The following ARHGEF4 variants were observed in gnomAD, a reference collection of about 807,000 sequenced individuals.
The protein encoded by ARHGEF4 is APC-stimulated guanine nucleotide exchange factor 1.
In ARHGEF4, 119 loss-of-function variants were observed where a neutral mutation model predicts 162.0. The observed-to-expected ratio is 0.73, with a 90% CI of 0.63 to 0.86. The LOEUF is 0.86. Ranked by LOEUF, ARHGEF4 falls within the 40% of genes least tolerant of loss-of-function variation. The pLI is 0.00. For synonymous variants in ARHGEF4, 1,014 were observed against 979.9 expected (o/e 1.03, Z -0.65); for missense variants, 2,488 against 2,456.0 (o/e 1.01, Z -0.28).
At chr2:130,880,584 C>G (rs115750306) in intron 1 of ARHGEF4, among the ~76,000 whole-genome samples, 1 of 152,132 alleles carries the variant, frequency 6.6e-6, no homozygotes, top group African/African-American at 2.4e-5. Context: ...ACAGAGGCTG[C>G]AGTGCAGTGG....
intron 5 of ARHGEF4, among the ~76,000 whole-genome samples, chr2:131,033,352 T>TG (rs1443755511): frequency 1.3e-5 from 2 of 152,204 alleles, no homozygotes; most frequent in African/African-American, 4.8e-5. Context: ...CTGCTGTGCA[T>TG]GGGGCAGAGG....
intron 13 of ARHGEF4, 74 bp from the exon 14 acceptor site, chr2:131,045,964 C>A (rs1356046129): frequency 4.5e-6 from 7 of 1,546,846 alleles, no homozygotes; most frequent in South Asian, 1.2e-5. Flanking sequence ...GGACGGACCC[C>A]ATGCTGTCCC....
chr2:130,856,272 A>G (rs535398553), intron 1 of ARHGEF4, among the ~76,000 whole-genome samples: 1 of 152,384 alleles, frequency 6.6e-6, no homozygotes, highest in African/African-American at 2.4e-5. Context: ...AGAAGAATCC[A>G]TGAACTTAAT....
At chr2:130,870,388 G>A (rs1678383570) in intron 1 of ARHGEF4, among the ~76,000 whole-genome samples, 1 of 152,194 alleles carries the variant, frequency 6.6e-6, no homozygotes, top group Non-Finnish European at 1.5e-5. Flanking sequence ...AGTGTACAGG[G>A]GCAGGGCTGG....
intron 5 of ARHGEF4, chr2:131,035,344 G>A (rs915650947): frequency 1.3e-5 from 15 of 1,122,740 alleles, no homozygotes; most frequent in Admixed American, 9.3e-5. Context: ...CTCCGCACTG[G>A]TCGCGGAGGG....
intron 8 of ARHGEF4, among the ~76,000 whole-genome samples, 189 bp downstream of exon 8, chr2:131,040,629 CGAAACCAAGTCAGG>C (rs1690734482): frequency 6.6e-6 from 1 of 152,190 alleles, no homozygotes. Context: ...TTCTGTGTGG[CGAAACCAAGTCAGG>C]GAACGCTCCT....
intron 1 of ARHGEF4, among the ~76,000 whole-genome samples, chr2:130,899,307 G>A (rs372555174): frequency 6.6e-6 from 1 of 152,310 alleles, no homozygotes; most frequent in African/African-American, 2.4e-5. Context: ...AGGATCATGG[G>A]GGAATGATAA....
chr2:130,883,223 A>G (rs1261261104), intron 1 of ARHGEF4, among the ~76,000 whole-genome samples: 1 of 152,024 alleles, frequency 6.6e-6, no homozygotes, highest in African/African-American at 2.4e-5. Context: ...GCATCTTCTC[A>G]CACCAGACTT....
chr2:130,923,584 T>C (rs1033833112), intron 2 of ARHGEF4, among the ~76,000 whole-genome samples: 2 of 152,232 alleles, frequency 1.3e-5, no homozygotes, highest in Admixed American at 1.3e-4. Flanking sequence ...TACTGAATAA[T>C]ACAGCAGGAT....
intron 4 of ARHGEF4, among the ~76,000 whole-genome samples, chr2:130,954,000 C>A (rs548444938): frequency 2.0e-5 from 3 of 152,316 alleles, no homozygotes; most frequent in South Asian, 4.1e-4. Flanking sequence ...TGTGACGATT[C>A]CTCAAGGATC....
intron 3 of ARHGEF4, among the ~76,000 whole-genome samples, chr2:130,933,702 T>G (rs1322583507): frequency 6.6e-6 from 1 of 152,224 alleles, no homozygotes; most frequent in Non-Finnish European, 1.5e-5. Flanking sequence ...TAAATGGAAA[T>G]TTTTAAAAGC....
intron 1 of ARHGEF4, among the ~76,000 whole-genome samples, chr2:130,853,388 G>C (rs537294170): frequency 6.6e-6 from 1 of 152,302 alleles, no homozygotes; most frequent in South Asian, 2.1e-4. Context: ...TTGTTTTTCA[G>C]ACTTCCTGAG....
chr2:130,946,492 C>G lies in ARHGEF4; in HGVS notation c.3859-17C>G. ...TCTTTTCTTCATTTGCCCTCTGTCT[C>G]TTTCCTCCTCTTCCAGTGCTGGAGA... On this transcript the variant is annotated splice_polypyrimidine_tract_variant and intron_variant, in intron 3 of 13. Transcript: ENST00000409359. 1.2e-6 allele frequency: 2 copies of G among 1,601,742 alleles called. No individual in the cohort carries two copies. Among genetic ancestry groups the G allele is most frequent in the Non-Finnish European group, 1.7e-6 (2 of 1,172,960 alleles).
At position 131,040,400 on chromosome 2, in the gene ARHGEF4, G is replaced by A; in HGVS notation, c.4622G>A (p.Arg1541His). 2 of 1,606,604 alleles carry A rather than the reference G, an allele frequency of 1.2e-6. No homozygotes were observed. Among genetic ancestry groups the A allele is most frequent in the East Asian group, 2.2e-5 (1 of 44,560 alleles). ...CTGGAGCAGAGGTTCAACCGCGAGC[G>A]CCCACACCTGAGCGAGCTGGGTGCC... is the stretch of plus-strand genomic sequence containing the variant. ...KALEQRFNRE[R>H]PHLSELGACF... The change falls in exon 8 of 14, where the codon CGC becomes CAC. Residue 1541 changes from arginine to histidine, a missense_variant. Coordinates refer to ENST00000409359, the MANE Select transcript of ARHGEF4 (RefSeq NM_001367493.1).
chr2:130,888,410 G>A (rs1679651361), intron 1 of ARHGEF4, among the ~76,000 whole-genome samples: 1 of 151,862 alleles, frequency 6.6e-6, no homozygotes, highest in African/African-American at 2.4e-5. Flanking sequence ...GTTGGTGGTT[G>A]CAGTGAACCG....
chr2:130,943,995 T>C (rs965536911), intron 3 of ARHGEF4, among the ~76,000 whole-genome samples: 5 of 152,236 alleles, frequency 3.3e-5, no homozygotes, highest in African/African-American at 9.6e-5. Flanking sequence ...CTATGACTTC[T>C]CTTAGTTTTT....
intron 3 of ARHGEF4, among the ~76,000 whole-genome samples, chr2:130,940,691 C>T (rs1236800909): frequency 4.0e-5 from 6 of 148,570 alleles, no homozygotes; most frequent in Non-Finnish European, 6.0e-5. Flanking sequence ...ATTAGCCGGG[C>T]GTGGTGGCGG....
intron 5 of ARHGEF4, among the ~76,000 whole-genome samples, chr2:131,031,905 TGA>T (rs1489748167): frequency 6.6e-6 from 1 of 152,190 alleles, no homozygotes; most frequent in African/African-American, 2.4e-5. Flanking sequence ...CGCCTGTCAG[TGA>T]GAGTGACCAC....
At chr2:130,885,228 T>G (rs902234776) in intron 1 of ARHGEF4, among the ~76,000 whole-genome samples, 4 of 152,128 alleles carry the variant, frequency 2.6e-5, no homozygotes, top group Non-Finnish European at 5.9e-5. Flanking sequence ...CAGCCTGCTC[T>G]GAGGGACAGT....
Sources: gnomAD v4.1 joint callset for allele counts (sites outside exome capture counted in the v4.1 genomes callset) on GRCh38, gnomAD v4.1.1 for gene constraint, MANE v1.5 for transcripts, NCBI Gene and HGNC (gene_info 2026-07-23, HGNC 2026-07-21) for gene names.